Variants in BIN1 observed in about 807,000 individuals in gnomAD.
The protein encoded by BIN1 is myc box-dependent-interacting protein 1.
Under a neutral mutation model 82.0 loss-of-function variants are expected in BIN1, and 53 were observed. That is an observed-to-expected ratio of 0.65 (90% CI 0.52 to 0.81). The LOEUF (loss-of-function observed/expected upper bound fraction) is 0.81, where lower values mean the gene tolerates loss of function less well. Ranked by LOEUF, BIN1 falls within the 40% of genes least tolerant of loss-of-function variation. The pLI, the probability that BIN1 is intolerant of heterozygous loss-of-function variation, is 0.00. For synonymous variants in BIN1, 302 were observed against 328.0 expected, an observed-to-expected ratio of 0.92 and a Z score of 0.86; for missense variants, 642 against 784.4, an observed-to-expected ratio of 0.82 and a Z score of 2.17.
At chr2:127,074,859 C>A (rs917708159) in intron 2 of BIN1, among the ~76,000 whole-genome samples, 8 of 152,194 alleles carry the variant, frequency 5.3e-5, no homozygotes, top group African/African-American at 1.9e-4. Context: ...CACACCACCA[C>A]GCCTGGCTAA....
rs2105293919 is a variant in BIN1, at chr2:127,093,658, C to A, written c.84+13202G>T. On this transcript the variant is annotated intron_variant, in intron 1 of 18. Coordinates refer to ENST00000316724, the MANE Select transcript of BIN1 (RefSeq NM_139343.3). The surrounding 1 kb of genome is among the most constrained non-coding windows in gnomAD (Gnocchi z 5.7). The stretch of plus-strand genomic sequence containing the variant: ...AACAGACAGTTCTCTCTGGTCCTTG[C>A]ATCTTCATCGTTGAAGGCTCCCGTG... Among the ~76,000 whole-genome samples, 1 of 152,354 alleles carries A rather than the reference C, an allele frequency of 6.6e-6. No homozygotes were observed. Among genetic ancestry groups the A allele is most frequent in the East Asian group, 1.9e-4 (1 of 5,186 alleles).
At chr2:127,087,262 G>C (rs906231909) in intron 1 of BIN1, among the ~76,000 whole-genome samples, 31 of 152,172 alleles carry the variant, frequency 2.0e-4, no homozygotes, top group Admixed American at 9.2e-4. Flanking sequence ...GAGAAAGAAG[G>C]GGGAGGGGAA....
chr2:127,060,555 C>T lies in BIN1; in HGVS notation c.858-1400G>A, dbSNP rs762355459. ...GGCGCATGCACAGGGCCAGCCAGGG[C>T]GCGGGCCTCTGCGCCCCTCCGCAGC... On this transcript the variant is annotated intron_variant, in intron 10 of 18. Transcript: ENST00000316724. The T allele has an allele frequency of 4.4e-5, 71 of 1,613,328 alleles. No individual in the cohort carries two copies. The South Asian group carries it at 6.1e-4, about 14-fold the overall frequency.
rs543438812 is a variant in BIN1, at chr2:127,057,521, C to T, written c.1083G>A (p.Leu361=). 19 of 1,547,058 alleles carry T rather than the reference C, an allele frequency of 1.2e-5. No homozygotes were observed. Among genetic ancestry groups the T allele is most frequent in the East Asian group, 2.4e-5 (1 of 40,838 alleles). ...KEVKQEQILS[L]FEDTFVPEIS... is the part of the protein sequence containing the mutation. ...TCTCAGGGACAAACGTGTCCTCAAA[C>T]AGGCTGAGGATCTGCTCCTGCTTGA... is the stretch of plus-strand genomic sequence containing the variant. Residue 361 remains leucine, a synonymous_variant, in exon 12 of 19, where the codon CTG becomes CTA. Transcript: ENST00000316724. The surrounding 1 kb of genome is among the most constrained non-coding windows in gnomAD (Gnocchi z 5.0).
rs1687390713 is a variant in BIN1, at chr2:127,082,226, TC to T, written c.85-5521del. On this transcript the variant is annotated intron_variant, in intron 1 of 18. Coordinates refer to ENST00000316724, the MANE Select transcript of BIN1 (RefSeq NM_139343.3). This position sits in a 1 kb window ranked among gnomAD's most constrained non-coding sequence, Gnocchi z 6.1. ...CCCTCTGTCAATCTTTCCTTGCCCC[TC>T]CTCCTCCGTCGTCTCCCACACACAG... Among the ~76,000 whole-genome samples the T allele has an allele frequency of 6.7e-6, 1 of 149,246 alleles. No individual in the cohort carries two copies. Among genetic ancestry groups the T allele is most frequent in the Non-Finnish European group, 1.5e-5 (1 of 67,310 alleles).
At chr2:127,103,925 G>T (rs1285549013) in intron 1 of BIN1, among the ~76,000 whole-genome samples, 3 of 152,236 alleles carry the variant, frequency 2.0e-5, no homozygotes, top group African/African-American at 7.2e-5. Flanking sequence ...GCATTCCGGG[G>T]GCAGTGGCCA....
rs967165709 is a variant in BIN1, at chr2:127,067,265, T to G, written c.612+898A>C. On this transcript the variant is annotated intron_variant, in intron 7 of 18. Coordinates refer to ENST00000316724, the MANE Select transcript of BIN1 (RefSeq NM_139343.3). The surrounding 1 kb of genome is among the most constrained non-coding windows in gnomAD (Gnocchi z 4.7). Reference sequence around the variant, plus strand: ...CCAGCCTCTCGGGAATATGGAGAAGTGTGAGGGCCACATCCAGGCTGTGAC... The same window carrying G: ...CCAGCCTCTCGGGAATATGGAGAAGGGTGAGGGCCACATCCAGGCTGTGAC... 6.6e-6 allele frequency among the ~76,000 whole-genome samples: 1 copy of G among 151,978 alleles called. No homozygotes were observed. Among genetic ancestry groups the G allele is most frequent in the Non-Finnish European group, 1.5e-5 (1 of 68,000 alleles).
rs370016618 is a variant in BIN1, at chr2:127,063,622, C to T, written c.723G>A (p.Thr241=). The change falls in exon 9 of 19, where the codon ACG becomes ACA. Residue 241 remains threonine, a synonymous_variant. Coordinates refer to ENST00000316724, the MANE Select transcript of BIN1 (RefSeq NM_139343.3). ...CCTCCAGGCCCGCGATGCTCTGGAA[C>T]GTGTTGACGTAGAAACCTACGCGGC... is the stretch of plus-strand genomic sequence containing the variant. The part of the protein sequence containing the change: ...WNSRVGFYVN[T]FQSIAGLEEN... 3.7e-6 allele frequency: 6 copies of T among 1,613,956 alleles called. No individual in the cohort carries two copies. Among genetic ancestry groups the T allele is most frequent in the East Asian group, 4.5e-5 (2 of 44,870 alleles).
In BIN1 at chr2:127,061,044, A is replaced by T. The variant is rs1405387048; in HGVS notation, c.857+1071T>A. 1.5e-4 allele frequency among the ~76,000 whole-genome samples: 23 copies of T among 151,434 alleles called. No individual in the cohort carries two copies. In the South Asian group the frequency reaches 4.6e-3, roughly 30 times the overall value. ...TCTACTGCCCCTCTCTCTTCCCTCC[A>T]CCTCCTTCCTGAGGGGAGCCATGGT... On this transcript the variant is annotated intron_variant, in intron 10 of 18. Transcript: ENST00000316724.
intron 9 of BIN1, 83 bp downstream of exon 9, chr2:127,063,488 T>C: frequency 7.0e-7 from 1 of 1,422,458 alleles, no homozygotes; most frequent in Non-Finnish European, 9.8e-7. Context: ...GAAGGAGGAG[T>C]TCAGGCTGCC....
chr2:127,095,346 T>C (rs1679453981), intron 1 of BIN1, among the ~76,000 whole-genome samples: 1 of 152,186 alleles, frequency 6.6e-6, no homozygotes, highest in Non-Finnish European at 1.5e-5. Flanking sequence ...GTCCCTGGAT[T>C]CCTGTCGGTA....
At position 127,069,026 on chromosome 2, in the gene BIN1, G is replaced by T. The variant is rs751946949; in HGVS notation, c.417C>A (p.Arg139=). 1 of 1,613,976 alleles carries T rather than the reference G, an allele frequency of 6.2e-7. No homozygotes were observed. The change falls in exon 6 of 19, where the codon CGC becomes CGA. Residue 139 remains arginine (R), a synonymous_variant. Coordinates refer to ENST00000316724, the MANE Select transcript of BIN1 (RefSeq NM_139343.3). ...CCAGCTTGCGCCCCCGCTTGGCAAT[G>T]CGTGACTGGGGCAGACAGAGGAGGG... ...YLGQFPDIKS[R]IAKRGRKLVD...
intron 12 of BIN1, chr2:127,055,565 T>A (rs890504792): frequency 6.6e-6 from 1 of 152,192 alleles, no homozygotes; most frequent in Non-Finnish European, 1.5e-5. Context: ...AGCCTCGAGG[T>A]GCCTCCCACC....
At chr2:127,092,639 C>T (rs1017412496) in intron 1 of BIN1, among the ~76,000 whole-genome samples, 2 of 152,190 alleles carry the variant, frequency 1.3e-5, no homozygotes, top group Admixed American at 6.5e-5. Flanking sequence ...CCCGCAGCCC[C>T]GGGCAAGTCA....
chr2:127,052,678 TC>T, intron 14 of BIN1: 1 of 404,186 alleles, frequency 2.5e-6, no homozygotes. Context: ...CGGTGGAGCC[TC>T]CAGAGCTCCC....
At chr2:127,073,397 G>A (rs1686171985) in intron 2 of BIN1, among the ~76,000 whole-genome samples, 1 of 152,210 alleles carries the variant, frequency 6.6e-6, no homozygotes, top group African/African-American at 2.4e-5. Context: ...CCCAGCTGGG[G>A]GAAGATAAGA....
chr2:127,054,052 T>C, intron 12 of BIN1, 40 bp from the exon 13 acceptor site: 1 of 1,533,604 alleles, frequency 6.5e-7, no homozygotes, highest in Non-Finnish European at 8.8e-7. Flanking sequence ...AAGCAGTTAG[T>C]GTTAAGCTGG....
In BIN1 at chr2:127,050,488, G is replaced by A. The variant is rs773732601; in HGVS notation, c.1607C>T (p.Thr536Ile). Residue 536 changes from threonine to isoleucine, a missense_variant, in exon 18 of 19, where the codon ACA (threonine) becomes ATA (isoleucine). Thr to Ile is a moderately conservative substitution (Grantham distance 89). Coordinates refer to ENST00000316724, the MANE Select transcript of BIN1 (RefSeq NM_139343.3). ...ACCAGCCTTGAGCTGCAGCTCGTCTGTGTCAGTGGCCGTGTAGTCGTGCTG... is the reference window on the plus strand; with the variant it reads ...ACCAGCCTTGAGCTGCAGCTCGTCTATGTCAGTGGCCGTGTAGTCGTGCTG... The part of the protein sequence containing the change: ...QAQHDYTATD[T>I]DELQLKAGDV... 6.2e-6 allele frequency: 10 copies of A among 1,614,128 alleles called. No individual in the cohort carries two copies. Among genetic ancestry groups the A allele is most frequent in the African/African-American group, 2.7e-5 (2 of 74,954 alleles).
chr2:127,091,797 T>C (rs1438201174), intron 1 of BIN1, among the ~76,000 whole-genome samples: 5 of 151,986 alleles, frequency 3.3e-5, no homozygotes, highest in Non-Finnish European at 7.4e-5. Context: ...CCCGGGAGGC[T>C]GAAGCAGGAG....
Sources: gnomAD v4.1 joint callset for allele counts (sites outside exome capture counted in the v4.1 genomes callset) on GRCh38, gnomAD v4.1.1 for gene constraint, Gnocchi (gnomAD v3.1) non-coding constraint, MANE v1.5 for transcripts, NCBI Gene and HGNC (gene_info 2026-07-23, HGNC 2026-07-21) for gene names.